Variants in NFU1 observed in about 807,000 individuals in gnomAD.
NFU1 encodes the protein NFU1 iron-sulfur cluster scaffold.
NFU1 carries 30 observed loss-of-function variants against 32.2 expected under a neutral mutation model. The ratio of observed to expected loss-of-function variants is 0.93; its 90% confidence interval spans 0.70 to 1.26. The LOEUF (loss-of-function observed/expected upper bound fraction) is 1.26, where lower values mean the gene tolerates loss of function less well. Ranked by LOEUF, NFU1 falls within the 50% of genes most tolerant of loss-of-function variation. The probability of loss-of-function intolerance (pLI) is 0.00; values close to 1 mark genes in which losing one functional copy is unlikely to be tolerated. For missense variants in NFU1, 306 were observed against 306.6 expected, an observed-to-expected ratio of 1.00 and a Z score of 0.02; for synonymous variants, 112 against 104.6, an observed-to-expected ratio of 1.07 and a Z score of -0.43.
intron 1 of NFU1, 85 bp from the exon 2 acceptor site, chr2:69,432,090 C>G: frequency 3.5e-6 from 3 of 851,266 alleles, no homozygotes; most frequent in Non-Finnish European, 5.8e-6. Flanking sequence ...ATAAAAAAGA[C>G]CTATGTAAAA....
At chr2:69,416,614 T>C (rs1673063768) in intron 4 of NFU1, among the ~76,000 whole-genome samples, 2 of 151,988 alleles carry the variant, frequency 1.3e-5, no homozygotes, top group Non-Finnish European at 2.9e-5. Flanking sequence ...TGAAAGAAAT[T>C]TGGCTGGGCA....
At chr2:69,437,136 C>T (rs1673868743) in intron 1 of NFU1, 1 of 941,330 alleles carries the variant, frequency 1.1e-6, no homozygotes, top group Non-Finnish European at 1.5e-6. Flanking sequence ...GGTCTCTGAG[C>T]CTGAGAGGAA....
chr2:69,430,272 G>A (rs1046612223), intron 2 of NFU1, among the ~76,000 whole-genome samples: 1 of 151,576 alleles, frequency 6.6e-6, no homozygotes, highest in African/African-American at 2.4e-5. Context: ...AAGTGCAGTG[G>A]CATGATTACA....
At chr2:69,401,684 T>C (rs997263284) in intron 6 of NFU1, among the ~76,000 whole-genome samples, 2 of 152,228 alleles carry the variant, frequency 1.3e-5, no homozygotes, top group Admixed American at 6.5e-5. Flanking sequence ...TACTGCCATA[T>C]AGTTTTCCAG....
At chr2:69,408,092 G>C (rs1261943405) in intron 5 of NFU1, among the ~76,000 whole-genome samples, 4 of 151,576 alleles carry the variant, frequency 2.6e-5, no homozygotes, top group South Asian at 2.1e-4. Context: ...AACTGTCTTA[G>C]ATCAATAAAC....
intron 1 of NFU1, among the ~76,000 whole-genome samples, chr2:69,436,282 T>A (rs1003449418): frequency 1.3e-5 from 2 of 152,194 alleles, no homozygotes; most frequent in African/African-American, 4.8e-5. Flanking sequence ...CAGTAAGTGC[T>A]CAATAAATGG....
intron 1 of NFU1, 146 bp downstream of exon 1, chr2:69,437,215 A>AC (rs1198222029): frequency 1.1e-5 from 16 of 1,458,960 alleles, no homozygotes; most frequent in Non-Finnish European, 1.4e-5. Flanking sequence ...CTCAGGGCTC[A>AC]CCCCCAACTA....
chr2:69,439,546 A>C (rs1673993898), upstream of NFU1, among the ~76,000 whole-genome samples: 1 of 152,202 alleles, frequency 6.6e-6, no homozygotes. Flanking sequence ...CATAACATGG[A>C]AGGGGACCCA....
intron 1 of NFU1, among the ~76,000 whole-genome samples, chr2:69,435,605 G>A (rs1420886435): frequency 6.6e-6 from 1 of 152,136 alleles, no homozygotes; most frequent in Non-Finnish European, 1.5e-5. Context: ...TTTCTTAGAT[G>A]CTATTGGAGA....
rs566057363 is a variant in NFU1 at position 69,423,897 on chromosome 2, G to T, written c.167-180C>A. ...GAAAGAAATATATCACCATAGAGCC[G>T]GGCGCAGTGGCTCACACCTGTAATC... On this transcript the variant is annotated intron_variant, in intron 2 of 7. Coordinates refer to ENST00000410022, the MANE Select transcript of NFU1 (RefSeq NM_001002755.4). 1.1e-4 allele frequency among the ~76,000 whole-genome samples: 16 copies of T among 152,034 alleles called. No individual in the cohort carries two copies. In the South Asian group the frequency reaches 3.3e-3, roughly 32 times the overall value.
intron 3 of NFU1, among the ~76,000 whole-genome samples, chr2:69,422,799 T>C (rs1673290410): frequency 6.6e-6 from 1 of 152,102 alleles, no homozygotes; most frequent in Non-Finnish European, 1.5e-5. Flanking sequence ...CATAGTTTCC[T>C]TAACCTCCTG....
chr2:69,429,665 AG>A (rs1246861150), intron 2 of NFU1, among the ~76,000 whole-genome samples: 1 of 152,262 alleles, frequency 6.6e-6, no homozygotes, highest in Admixed American at 6.5e-5. Flanking sequence ...TATCTAAAGT[AG>A]AAAGTATGAA....
upstream of NFU1, among the ~76,000 whole-genome samples, chr2:69,438,021 A>AG (rs1673917654): frequency 2.6e-5 from 4 of 152,276 alleles, no homozygotes; most frequent in South Asian, 8.3e-4. Flanking sequence ...AGACTTGACT[A>AG]GTTTCCAGGG....
intron 4 of NFU1, among the ~76,000 whole-genome samples, chr2:69,419,186 C>T (rs186455850): frequency 6.4e-5 from 9 of 140,868 alleles, no homozygotes; most frequent in East Asian, 4.1e-4. Context: ...TGGTGGCAGG[C>T]GCCTGCAATC....
At chr2:69,430,181 C>G (rs1451616976) in intron 2 of NFU1, among the ~76,000 whole-genome samples, 1 of 151,384 alleles carries the variant, frequency 6.6e-6, no homozygotes, top group Non-Finnish European at 1.5e-5. Flanking sequence ...AGACTTACAA[C>G]AGGAAACAGG....
chr2:69,427,798 A>G (rs1243011297), intron 2 of NFU1, among the ~76,000 whole-genome samples: 1 of 151,694 alleles, frequency 6.6e-6, no homozygotes, highest in African/African-American at 2.4e-5. Context: ...CCTGGCCAAC[A>G]TGGTGAAACC....
At chr2:69,404,363 A>G (rs1355940637) in intron 6 of NFU1, among the ~76,000 whole-genome samples, 2 of 149,712 alleles carry the variant, frequency 1.3e-5, no homozygotes, top group African/African-American at 4.9e-5. Flanking sequence ...GTGGTGGTAC[A>G]TGCCTGTAAT....
chr2:69,437,535 G>T, upstream of NFU1: 1 of 1,365,672 alleles, frequency 7.3e-7, no homozygotes. Flanking sequence ...ACCGGCTGCG[G>T]GCGGTCCTGC....
At chr2:69,404,311 G>A (rs535349620) in intron 6 of NFU1, among the ~76,000 whole-genome samples, 19 of 151,042 alleles carry the variant, frequency 1.3e-4, no homozygotes, top group Admixed American at 1.3e-3. Flanking sequence ...GGCCAACACG[G>A]TGAAACCCTG....
Sources: gnomAD v4.1 joint callset for allele counts (sites outside exome capture counted in the v4.1 genomes callset) on GRCh38, gnomAD v4.1.1 for gene constraint, MANE v1.5 for transcripts, NCBI Gene and HGNC (gene_info 2026-07-23, HGNC 2026-07-21) for gene names.